The following PCDH11X variants were observed in gnomAD, a reference collection of about 807,000 sequenced individuals.
PCDH11X encodes protocadherin 11 X-linked.
PCDH11X carries 18 observed loss-of-function variants against 53.3 expected under a neutral mutation model. The ratio of observed to expected loss-of-function variants is 0.34; its 90% CI spans 0.23 to 0.50. The LOEUF is 0.50. Ranked by LOEUF, PCDH11X falls within the 20% of genes least tolerant of loss-of-function variation. The pLI, the probability that PCDH11X is intolerant of heterozygous loss-of-function variation, is 0.98. For missense variants in PCDH11X, 570 were observed against 1,032.4 expected, an observed-to-expected ratio of 0.55 and a Z score of 6.14; for synonymous variants, 279 against 393.3, an observed-to-expected ratio of 0.71 and a Z score of 3.44.
At chrX:91,964,530 C>A (rs1232849933) in intron 6 of PCDH11X, among the ~76,000 whole-genome samples, 2 of 111,824 alleles carry the variant, frequency 1.8e-5, no homozygotes, top group East Asian at 5.6e-4. Flanking sequence ...TTATTTGAAA[C>A]CTTAGTTATT....
intron 8 of PCDH11X, among the ~76,000 whole-genome samples, chrX:92,270,872 T>C (rs1006195884): frequency 3.6e-5 from 4 of 112,167 alleles, no homozygotes; most frequent in Non-Finnish European, 5.6e-5. Context: ...TTGAGCTTAA[T>C]TTTTTCCTTT....
intron 6 of PCDH11X, among the ~76,000 whole-genome samples, chrX:91,913,481 G>T (rs1941448250): frequency 9.0e-6 from 1 of 111,173 alleles, no homozygotes; most frequent in Non-Finnish European, 1.9e-5. Context: ...GAGGTGGCCA[G>T]GATTGCCTAT....
intron 6 of PCDH11X, among the ~76,000 whole-genome samples, chrX:91,886,828 G>T (rs981154499): frequency 3.7e-5 from 4 of 108,321 alleles, no homozygotes; most frequent in Admixed American, 9.9e-5. Flanking sequence ...AAAATTAGCT[G>T]GGCGTGGTGG....
chrX:92,020,066 A>G (rs1246169655), intron 6 of PCDH11X, among the ~76,000 whole-genome samples: 2 of 112,358 alleles, frequency 1.8e-5, no homozygotes, highest in Admixed American at 1.9e-4. Flanking sequence ...CAACCCATGA[A>G]CCAGAAGATT....
chrX:91,996,031 C>G (rs77418631), intron 6 of PCDH11X, among the ~76,000 whole-genome samples: 17,515 of 104,899 alleles, frequency 0.17, 1,174 homozygotes, highest in East Asian at 0.25. Context: ...TTAGTAGAGA[C>G]GGGGTTTCAC....
intron 7 of PCDH11X, among the ~76,000 whole-genome samples, chrX:92,212,006 CTTTTT>C (rs56939635): frequency 1.5e-5 from 1 of 64,596 alleles, no homozygotes. Context: ...ACTTGCAATG[CTTTTT>C]TTTTTTTTTT....
intron 6 of PCDH11X, among the ~76,000 whole-genome samples, chrX:91,916,744 AG>A (rs777688049): frequency 6.3e-5 from 7 of 111,019 alleles, no homozygotes; most frequent in East Asian, 5.7e-4. Flanking sequence ...CATTCAAAAA[AG>A]AATTGGTACA....
intron 7 of PCDH11X, among the ~76,000 whole-genome samples, chrX:92,215,629 C>T (rs1263432993): frequency 1.3e-5 from 1 of 77,425 alleles, no homozygotes; most frequent in Non-Finnish European, 2.6e-5. Flanking sequence ...GGGCAGGGCA[C>T]AGACAAACAA....
chrX:91,794,001 T>C (rs779678424), intron 1 of PCDH11X, among the ~76,000 whole-genome samples: 1 of 111,497 alleles, frequency 9.0e-6, no homozygotes, highest in Admixed American at 9.5e-5. Flanking sequence ...AAGCAAACCC[T>C]GTTTAGTTTC....
chrX:92,216,874 C>G (rs1293349079), intron 7 of PCDH11X, among the ~76,000 whole-genome samples: 1 of 106,040 alleles, frequency 9.4e-6, no homozygotes, highest in East Asian at 3.0e-4. Flanking sequence ...CTCTACAAGC[C>G]AGAAGAGAGT....
chrX:92,506,201 A>ATTTTC (rs1216780373), intron 10 of PCDH11X, among the ~76,000 whole-genome samples: 19 of 43,001 alleles, frequency 4.4e-4, no homozygotes, highest in African/African-American at 1.6e-3. Context: ...ATTTGGATAC[A>ATTTTC]TTTTCTTTTC....
At chrX:92,341,292 T>C (rs759846909) in intron 8 of PCDH11X, among the ~76,000 whole-genome samples, 17 of 111,697 alleles carry the variant, frequency 1.5e-4, no homozygotes, top group Non-Finnish European at 2.1e-4. Context: ...CTGTCTTCCT[T>C]TGAGCCCTCC....
chrX:92,505,152 C>CTTTTTTTTTTTTTTTTTTTTTTTTTTCT (rs58620449), intron 10 of PCDH11X, among the ~76,000 whole-genome samples: 1 of 64,275 alleles, frequency 1.6e-5, no homozygotes, highest in Admixed American at 1.9e-4. Flanking sequence ...TTTCTTTTTT[C>CTTTTTTTTTTTTTTTTTTTTTTTTTTCT]TTTTTTTTTT....
chrX:92,279,814 A>T lies in PCDH11X; in HGVS notation c.3144+16671A>T, dbSNP rs1030662744. 4.5e-5 allele frequency among the ~76,000 whole-genome samples: 5 copies of T among 112,112 alleles called. No homozygotes were observed. The Admixed American group carries it at 4.7e-4, about 11-fold the overall frequency. ...AAATATTGACATTTCAACTTAATTA[A>T]CTGCAGATCTTATAGATTTAGGATA... On this transcript the variant is annotated intron_variant, in intron 8 of 10. Coordinates refer to ENST00000682573, the MANE Select transcript of PCDH11X (RefSeq NM_032968.5).
intron 6 of PCDH11X, among the ~76,000 whole-genome samples, chrX:92,058,030 C>G (rs753475202): frequency 1.0e-5 from 1 of 99,397 alleles, no homozygotes; most frequent in African/African-American, 4.1e-5. Context: ...AGTCTTGGGA[C>G]AAAACCTCCC....
intron 6 of PCDH11X, among the ~76,000 whole-genome samples, chrX:92,146,493 C>A (rs2065269265): frequency 9.0e-6 from 1 of 111,583 alleles, no homozygotes; most frequent in African/African-American, 3.3e-5. Flanking sequence ...TTTCCGTTTT[C>A]TGCAAAACAT....
rs1173745322 is a variant in PCDH11X, at chrX:91,838,412, G to A, written c.540+2368G>A. Among the ~76,000 whole-genome samples, 5 of 111,543 alleles carry A rather than the reference G, an allele frequency of 4.5e-5. No homozygotes were observed. In the East Asian group the frequency reaches 1.1e-3, roughly 25 times the overall value. ...GCCTAAAGTACTGGGGCATTTGTGT[G>A]GCCCCGTGGACAAATACTGTTTTGA... is the stretch of plus-strand genomic sequence containing the variant. On this transcript the variant is annotated intron_variant, in intron 5 of 10. Transcript: ENST00000682573.
At chrX:92,105,013 C>A in intron 6 of PCDH11X, among the ~76,000 whole-genome samples, 1 of 110,122 alleles carries the variant, frequency 9.1e-6, no homozygotes, top group Non-Finnish European at 1.9e-5. Context: ...CCAAGTCAGG[C>A]ATCCCTGCGT....
At chrX:91,937,274 C>T (rs1055619468) in intron 6 of PCDH11X, among the ~76,000 whole-genome samples, 6 of 110,327 alleles carry the variant, frequency 5.4e-5, no homozygotes, top group African/African-American at 9.8e-5. Flanking sequence ...GGAATCTAGT[C>T]GAATTTACAC....
Sources: allele counts gnomAD v4.1 joint callset (sites outside exome capture counted in the v4.1 genomes callset), GRCh38; gene constraint gnomAD v4.1.1; transcripts MANE v1.5; gene names NCBI Gene and HGNC (gene_info 2026-07-23, HGNC 2026-07-21).